Variants in HTR1F observed in about 807,000 individuals in gnomAD.
HTR1F encodes 5-hydroxytryptamine (serotonin) receptor 1F, G protein-coupled.
Under a neutral mutation model 24.0 loss-of-function variants are expected in HTR1F, and 17 were observed. The observed-to-expected ratio is 0.71, with a 90% CI of 0.48 to 1.06. The LOEUF (loss-of-function observed/expected upper bound fraction) is 1.06. Ranked by LOEUF, HTR1F falls within the 50% of genes least tolerant of loss-of-function variation. The probability of loss-of-function intolerance (pLI) is 0.00; values close to 1 mark genes in which losing one functional copy is unlikely to be tolerated. For synonymous variants in HTR1F, 186 were observed against 156.8 expected, an observed-to-expected ratio of 1.19 and a Z score of -1.39; for missense variants, 391 against 427.8, an observed-to-expected ratio of 0.91 and a Z score of 0.76.
chr3:87,975,170 G>C (rs1705367040), intron 2 of HTR1F, among the ~76,000 whole-genome samples: 1 of 152,054 alleles, frequency 6.6e-6, no homozygotes, highest in Non-Finnish European at 1.5e-5. Context: ...GAAGTAATCA[G>C]AGTAACTTAA....
At chr3:87,889,855 G>A (rs1706040484) in intron 2 of HTR1F, among the ~76,000 whole-genome samples, 1 of 152,144 alleles carries the variant, frequency 6.6e-6, no homozygotes, top group Admixed American at 6.6e-5. Context: ...AGACATGATA[G>A]CTTTTGAGTT....
chr3:87,944,009 C>T (rs1400764636), intron 2 of HTR1F, among the ~76,000 whole-genome samples: 1 of 152,166 alleles, frequency 6.6e-6, no homozygotes, highest in African/African-American at 2.4e-5. Context: ...CCTCTGTGGT[C>T]CTAATGCTTA....
intron 2 of HTR1F, among the ~76,000 whole-genome samples, chr3:87,851,485 G>A (rs1281189700): frequency 6.6e-6 from 1 of 151,110 alleles, no homozygotes; most frequent in Non-Finnish European, 1.5e-5. Context: ...CATATATAGG[G>A]GCTTTATTAG....
intron 2 of HTR1F, among the ~76,000 whole-genome samples, chr3:87,943,094 T>G (rs1189178642): frequency 6.6e-6 from 1 of 152,184 alleles, no homozygotes; most frequent in Non-Finnish European, 1.5e-5. Context: ...TTAGCAAATG[T>G]CTGCAGCACC....
chr3:87,841,693 A>T (rs553039920), intron 2 of HTR1F, among the ~76,000 whole-genome samples: 2 of 151,788 alleles, frequency 1.3e-5, no homozygotes, highest in East Asian at 3.9e-4. Context: ...TGGGGTCAAG[A>T]GTTCGAGACC....
chr3:87,814,283 A>G (rs1030869330), intron 1 of HTR1F, among the ~76,000 whole-genome samples: 1 of 152,220 alleles, frequency 6.6e-6, no homozygotes, highest in Non-Finnish European at 1.5e-5. Context: ...TAATGGACAA[A>G]AATTGTATAT....
intron 2 of HTR1F, among the ~76,000 whole-genome samples, chr3:87,827,536 T>G (rs12497212): frequency 0.21 from 32,291 of 152,174 alleles, 3,605 homozygotes; most frequent in East Asian, 0.37. Flanking sequence ...GTATGTATGC[T>G]TCTCTCATTT....
At chr3:87,862,102 T>G (rs1407868578) in intron 2 of HTR1F, among the ~76,000 whole-genome samples, 1 of 152,186 alleles carries the variant, frequency 6.6e-6, no homozygotes, top group East Asian at 1.9e-4. Flanking sequence ...ATTTCCAGTG[T>G]GCTTTATCCC....
chr3:87,878,609 C>A (rs1205743932), intron 2 of HTR1F, among the ~76,000 whole-genome samples: 1 of 152,114 alleles, frequency 6.6e-6, no homozygotes, highest in Non-Finnish European at 1.5e-5. Flanking sequence ...GCTCTCAGAT[C>A]TACTCTGTTG....
At chr3:87,867,439 A>T (rs897457237) in intron 2 of HTR1F, among the ~76,000 whole-genome samples, 3 of 151,958 alleles carry the variant, frequency 2.0e-5, no homozygotes, top group African/African-American at 7.2e-5. Flanking sequence ...AATGGGGGGA[A>T]AAAACAAGAC....
At chr3:87,889,300 C>T (rs1706027307) in intron 2 of HTR1F, among the ~76,000 whole-genome samples, 1 of 152,092 alleles carries the variant, frequency 6.6e-6, no homozygotes, top group South Asian at 2.1e-4. Context: ...CAACACTAAA[C>T]AGACTAAGAC....
In HTR1F at chr3:87,991,736, C is replaced by A. The variant is rs1705838478; in HGVS notation, c.987C>A (p.Ser329=). 11 of 1,613,700 alleles carry A rather than the reference C, an allele frequency of 6.8e-6. No individual in the cohort carries two copies. The highest frequency in any genetic ancestry group is 9.3e-6 in the Non-Finnish European group (11 of 1,179,770). The part of the protein sequence containing the change: ...CDKCKISEEM[S]NFLAWLGYLN... The stretch of plus-strand genomic sequence containing the variant: ...AATGTAAAATTTCTGAAGAAATGTC[C>A]AATTTTTTGGCATGGCTTGGGTATC... The change falls in exon 3 of 3, where the codon TCC becomes TCA. Residue 329 remains serine, a synonymous_variant. Coordinates refer to ENST00000319595, the MANE Select transcript of HTR1F (RefSeq NM_001322209.2).
At chr3:87,839,542 C>A (rs991866880) in intron 2 of HTR1F, among the ~76,000 whole-genome samples, 9 of 151,714 alleles carry the variant, frequency 5.9e-5, no homozygotes, top group African/African-American at 1.9e-4. Context: ...GATTTGGGGT[C>A]TTTTGTGATT....
At chr3:87,926,493 A>C (rs1299501279) in intron 2 of HTR1F, among the ~76,000 whole-genome samples, 1 of 152,212 alleles carries the variant, frequency 6.6e-6, no homozygotes, top group African/African-American at 2.4e-5. Flanking sequence ...CTGTGAGCCT[A>C]TTTTGATGAG....
intron 2 of HTR1F, among the ~76,000 whole-genome samples, chr3:87,874,310 T>A (rs1037811714): frequency 8.5e-5 from 13 of 152,078 alleles, no homozygotes; most frequent in Non-Finnish European, 1.8e-4. Flanking sequence ...ATACAAAGCC[T>A]ACACAGAGAA....
chr3:87,990,337 T>C (rs545934607), intron 2 of HTR1F, among the ~76,000 whole-genome samples: 49 of 152,338 alleles, frequency 3.2e-4, no homozygotes, highest in African/African-American at 1.2e-3. Context: ...ACTGAAACAG[T>C]TGTTACGGAG....
chr3:87,828,851 C>T (rs535055964), intron 2 of HTR1F, among the ~76,000 whole-genome samples: 13 of 152,188 alleles, frequency 8.5e-5, no homozygotes, highest in Admixed American at 2.6e-4. Flanking sequence ...ACCTTCTGGA[C>T]GAAACAGTGC....
intron 2 of HTR1F, among the ~76,000 whole-genome samples, chr3:87,902,545 T>C (rs1006686463): frequency 1.3e-5 from 2 of 152,136 alleles, no homozygotes; most frequent in Admixed American, 1.3e-4. Flanking sequence ...AAGATAAAGA[T>C]GGACTTGAAT....
chr3:87,836,406 C>G (rs539529840), intron 2 of HTR1F, among the ~76,000 whole-genome samples: 1 of 152,010 alleles, frequency 6.6e-6, no homozygotes, highest in Non-Finnish European at 1.5e-5. Context: ...ACAATAATAT[C>G]TCAGAAGATT....
Sources: gnomAD v4.1 joint callset for allele counts (sites outside exome capture counted in the v4.1 genomes callset) on GRCh38, gnomAD v4.1.1 for gene constraint, MANE v1.5 for transcripts, NCBI Gene and HGNC (gene_info 2026-07-23, HGNC 2026-07-21) for gene names.